The following ATXN1 variants were observed in gnomAD, a reference collection of about 807,000 sequenced individuals.
ATXN1 encodes the protein ataxin 1.
ATXN1 carries 8 observed loss-of-function variants against 56.4 expected under a neutral mutation model. That is an observed-to-expected ratio of 0.14 (90% CI 0.08 to 0.26). The LOEUF (loss-of-function observed/expected upper bound fraction) is 0.26, where lower values mean the gene tolerates loss of function less well. Among genes scored for constraint, ATXN1 ranks in the 10% least tolerant of loss-of-function variants. The pLI is 1.00. For missense variants in ATXN1, 987 were observed against 1,106.5 expected (o/e 0.89, Z 1.53); for synonymous variants, 514 against 494.6 (o/e 1.04, Z -0.52).
At chr6:16,484,603 C>T (rs1397856557) in intron 6 of ATXN1, among the ~76,000 whole-genome samples, 1 of 152,036 alleles carries the variant, frequency 6.6e-6, no homozygotes, top group Non-Finnish European at 1.5e-5. Flanking sequence ...TCCACTAGAC[C>T]CAACGTGTAC....
chr6:16,533,030 A>C (rs1489791853), intron 4 of ATXN1, among the ~76,000 whole-genome samples: 1 of 152,244 alleles, frequency 6.6e-6, no homozygotes, highest in Non-Finnish European at 1.5e-5. Flanking sequence ...ACATATGTGC[A>C]ATATTATTCA....
chr6:16,328,440 G>A lies in ATXN1; in HGVS notation c.-130C>T. 2 of 1,332,144 alleles carry A rather than the reference G, an allele frequency of 1.5e-6. No homozygotes were observed. The highest frequency in any genetic ancestry group is 2.4e-5 in the South Asian group (1 of 41,166). 82.5% of individuals were successfully genotyped at this position (1,332,144 alleles called of 1,614,324 possible). A position where few individuals can be genotyped will look rare whatever the true frequency, so the allele number is the denominator to read the frequency against. ...TCTTCATGAGGAATCATCTCCCCGT[G>A]GGTACAATCCGCCAACAGCAGCTCT... On this transcript the variant is annotated 5_prime_UTR_variant, in exon 7 of 8. Coordinates refer to ENST00000436367, the MANE Select transcript of ATXN1 (RefSeq NM_001128164.2). The surrounding 1 kb of genome is among the most constrained non-coding windows in gnomAD (Gnocchi z 6.2).
intron 6 of ATXN1, among the ~76,000 whole-genome samples, chr6:16,461,407 G>A (rs1759992796): frequency 6.6e-6 from 1 of 152,192 alleles, no homozygotes; most frequent in South Asian, 2.1e-4. Flanking sequence ...TATTTATGGG[G>A]CCATATCTCC....
chr6:16,318,482 T>C (rs1760566628), intron 7 of ATXN1, among the ~76,000 whole-genome samples: 2 of 152,114 alleles, frequency 1.3e-5, no homozygotes. Context: ...GTTCTCAGCA[T>C]GAAAAAAATC....
intron 4 of ATXN1, among the ~76,000 whole-genome samples, chr6:16,533,417 A>C (rs901375960): frequency 9.2e-5 from 14 of 152,166 alleles, no homozygotes; most frequent in African/African-American, 3.1e-4. Flanking sequence ...TCTAGGAATC[A>C]CTTGGACTAA....
At chr6:16,632,753 C>T (rs1220630593) in intron 3 of ATXN1, among the ~76,000 whole-genome samples, 1 of 152,076 alleles carries the variant, frequency 6.6e-6, no homozygotes, top group East Asian at 1.9e-4. Flanking sequence ...GGGCCAGGCT[C>T]ACATCTGTAG....
chr6:16,332,420 A>G (rs893290469), intron 6 of ATXN1, among the ~76,000 whole-genome samples: 11 of 152,234 alleles, frequency 7.2e-5, no homozygotes, highest in Non-Finnish European at 1.5e-4. Context: ...GAAACGAAAG[A>G]AGAAAAAAGA....
In ATXN1 at chr6:16,326,833, G is replaced by A. The variant is rs942753227; in HGVS notation, c.1478C>T (p.Pro493Leu). ...CGCTTCCATGTCAGTGCTGCCGACCGGGATGAGCAGGGGCTGTGTGCCGGG... is the reference window on the plus strand; with the variant it reads ...CGCTTCCATGTCAGTGCTGCCGACCAGGATGAGCAGGGGCTGTGTGCCGGG... ...VIPGTQPLLIPVGSTDMEASG... is the reference protein window; with the variant it reads ...VIPGTQPLLILVGSTDMEASG... The change falls in exon 7 of 8, where the codon CCG becomes CTG. Residue 493 changes from proline (P) to leucine (L), a missense_variant. Pro to Leu is a moderately conservative substitution (Grantham distance 98). This residue lies in a region of ATXN1 where 723 missense variants were observed against 791.7 expected (regional missense o/e 0.91). Coordinates refer to ENST00000436367, the MANE Select transcript of ATXN1 (RefSeq NM_001128164.2). This position sits in a 1 kb window ranked among gnomAD's most constrained non-coding sequence, Gnocchi z 6.6. 1.2e-6 allele frequency: 2 copies of A among 1,607,394 alleles called. No individual in the cohort carries two copies. The highest frequency in any genetic ancestry group is 1.3e-5 in the African/African-American group (1 of 74,826).
At chr6:16,439,372 GCGGGGCGGGAA>G (rs1759463815) in intron 6 of ATXN1, among the ~76,000 whole-genome samples, 1 of 28,414 alleles carries the variant, frequency 3.5e-5, no homozygotes, top group Non-Finnish European at 7.9e-5. Context: ...GGGGCCGGGG[GCGGGGCGGGAA>G]TAAGGGTTGG....
At chr6:16,523,139 C>T (rs1002766000) in intron 4 of ATXN1, among the ~76,000 whole-genome samples, 4 of 152,104 alleles carry the variant, frequency 2.6e-5, no homozygotes, top group Admixed American at 6.6e-5. Context: ...TGGCCTCAAG[C>T]GCTCCTTCCA....
At chr6:16,534,738 C>T (rs1321482808) in intron 4 of ATXN1, among the ~76,000 whole-genome samples, 1 of 152,294 alleles carries the variant, frequency 6.6e-6, no homozygotes, top group East Asian at 1.9e-4. Flanking sequence ...TTATTTTCGG[C>T]TTTCTTCTTA....
chr6:16,619,592 A>C (rs1171160050), intron 3 of ATXN1, among the ~76,000 whole-genome samples: 1 of 152,206 alleles, frequency 6.6e-6, no homozygotes, highest in African/African-American at 2.4e-5. Context: ...ATGACTAGAG[A>C]CACTAAAAAT....
intron 3 of ATXN1, among the ~76,000 whole-genome samples, chr6:16,629,864 C>G (rs1393711337): frequency 3.3e-5 from 5 of 151,588 alleles, no homozygotes; most frequent in Non-Finnish European, 4.4e-5. Flanking sequence ...TTGCAGTGAG[C>G]CGAGATCACA....
At chr6:16,464,046 C>A (rs1034465727) in intron 6 of ATXN1, among the ~76,000 whole-genome samples, 3 of 152,178 alleles carry the variant, frequency 2.0e-5, no homozygotes, top group African/African-American at 7.2e-5. Flanking sequence ...CAGGAAGTAG[C>A]TAGAGCAGTC....
At chr6:16,477,449 G>C (rs909344603) in intron 6 of ATXN1, among the ~76,000 whole-genome samples, 1 of 152,188 alleles carries the variant, frequency 6.6e-6, no homozygotes, top group Non-Finnish European at 1.5e-5. Context: ...CAATTAAGAA[G>C]ATTACAAAGT....
chr6:16,714,038 C>A (rs915347142), intron 2 of ATXN1, among the ~76,000 whole-genome samples: 6 of 152,020 alleles, frequency 3.9e-5, no homozygotes, highest in Non-Finnish European at 7.4e-5. Flanking sequence ...CACCTCTAGT[C>A]CCAGCTACTT....
At chr6:16,659,503 A>T (rs557968171) in intron 2 of ATXN1, among the ~76,000 whole-genome samples, 1 of 152,202 alleles carries the variant, frequency 6.6e-6, no homozygotes, top group Non-Finnish European at 1.5e-5. Flanking sequence ...TACCAACTTC[A>T]TATCTCGAGG....
rs776868032 is a variant in ATXN1 at position 16,302,031 on chromosome 6, G to A, written c.*4298C>T. On this transcript the variant is annotated 3_prime_UTR_variant, in exon 8 of 8. Transcript: ENST00000436367. ...CAGTAAAGATCAAACTGTGCAAAGA[G>A]TGGATTTTATGATTACTAGGAGCTA... is the stretch of plus-strand genomic sequence containing the variant. 1 of 152,682 alleles carries A rather than the reference G, an allele frequency of 6.5e-6. No individual in the cohort carries two copies. Among genetic ancestry groups the A allele is most frequent in the Non-Finnish European group, 1.5e-5 (1 of 68,050 alleles). The allele number at this position is 152,682 out of a possible 1,614,324, so 9.5% of individuals were successfully genotyped here. A position where few individuals can be genotyped will look rare whatever the true frequency, so the allele number is the denominator to read the frequency against.
At chr6:16,365,813 GA>G (rs1761906351) in intron 6 of ATXN1, among the ~76,000 whole-genome samples, 1 of 152,120 alleles carries the variant, frequency 6.6e-6, no homozygotes, top group Non-Finnish European at 1.5e-5. Flanking sequence ...CCCAGCTGTA[GA>G]AACTTCCTGC....
Sources: allele counts gnomAD v4.1 joint callset (sites outside exome capture counted in the v4.1 genomes callset), GRCh38; gene constraint gnomAD v4.1.1; regional missense constraint gnomAD v4.1.1; non-coding constraint Gnocchi (gnomAD v3.1); transcripts MANE v1.5; gene names NCBI Gene and HGNC (gene_info 2026-07-23, HGNC 2026-07-21).